ACSM2B: variants seen among roughly 807,000 people sequenced by gnomAD.
The protein encoded by ACSM2B is acyl-coenzyme A synthetase ACSM2B, mitochondrial.
A neutral mutation model predicts 78.6 loss-of-function variants in ACSM2B; 58 were observed. The ratio of observed to expected loss-of-function variants is 0.74; its 90% CI spans 0.60 to 0.92. The LOEUF (loss-of-function observed/expected upper bound fraction) is 0.92, where lower values mean the gene tolerates loss of function less well. ACSM2B is among the 40% of genes least tolerant of loss of function. The pLI is 0.00. For synonymous variants in ACSM2B, 257 were observed against 256.8 expected, an observed-to-expected ratio of 1.00 and a Z score of -0.01; for missense variants, 688 against 711.2, an observed-to-expected ratio of 0.97 and a Z score of 0.37.
chr16:20,566,736 ATATACT>A lies in ACSM2B; in HGVS notation c.-8-1889_-8-1884del, dbSNP rs2015893850. On this transcript the variant is annotated intron_variant, in intron 1 of 13. Coordinates refer to ENST00000329697, the MANE Select transcript of ACSM2B (RefSeq NM_001105069.2). ...ATATATAGTATATACTATATATAGT[ATATACT>A]ATATATACTATATATAGTATATATA... 1.9e-4 allele frequency among the ~76,000 whole-genome samples: 9 copies of A among 48,116 alleles called. 2 individuals carry two copies. In the South Asian group the frequency reaches 6.3e-3, roughly 34 times the overall value. 31.6% of individuals were successfully genotyped at this position (48,116 alleles called of 152,430 possible).
At chr16:20,565,461 A>T (rs1248850348) in intron 1 of ACSM2B, among the ~76,000 whole-genome samples, 1 of 152,190 alleles carries the variant, frequency 6.6e-6, no homozygotes, top group Non-Finnish European at 1.5e-5. Context: ...TAGCATGGCC[A>T]CTAGCAACAC....
chr16:20,566,719 TATATAC>T (rs2015886847), intron 1 of ACSM2B, among the ~76,000 whole-genome samples: 1 of 25,166 alleles, frequency 4.0e-5, no homozygotes, highest in African/African-American at 2.3e-4. Context: ...GTATATATAG[TATATAC>T]TATATATAGT....
intron 1 of ACSM2B, among the ~76,000 whole-genome samples, chr16:20,566,616 G>GTATATATAC (rs2015856197): frequency 2.4e-4 from 10 of 40,818 alleles, no homozygotes; most frequent in Non-Finnish European, 3.7e-4. Flanking sequence ...TCTACATATA[G>GTATATATAC]TATATATACT....
intron 3 of ACSM2B, among the ~76,000 whole-genome samples, chr16:20,557,395 T>G (rs2015507107): frequency 6.8e-6 from 1 of 147,650 alleles, no homozygotes; most frequent in Non-Finnish European, 1.5e-5. Flanking sequence ...TGAATAACCC[T>G]GTTATTAGTT....
At chr16:20,563,337 T>C (rs1322883295) in intron 2 of ACSM2B, among the ~76,000 whole-genome samples, 1 of 152,190 alleles carries the variant, frequency 6.6e-6, no homozygotes, top group Non-Finnish European at 1.5e-5. Flanking sequence ...TTATAATGAA[T>C]TGCACCTTTT....
intron 13 of ACSM2B, among the ~76,000 whole-genome samples, 153 bp from the exon 14 acceptor site, chr16:20,537,515 G>T (rs1397032754): frequency 1.3e-5 from 2 of 152,154 alleles, no homozygotes; most frequent in African/African-American, 4.8e-5. Context: ...AGGTGCTCTG[G>T]GATGAGGACA....
At chr16:20,570,252 G>A (rs2016056612) in intron 1 of ACSM2B, among the ~76,000 whole-genome samples, 1 of 151,840 alleles carries the variant, frequency 6.6e-6, no homozygotes, top group African/African-American at 2.4e-5. Context: ...TGATTTTGCT[G>A]AGGGTTTTAA....
chr16:20,537,378 T>A lies in ACSM2B; in HGVS notation c.1630-16A>T. The A allele has an allele frequency of 6.2e-7, 1 of 1,613,194 alleles. No individual in the cohort carries two copies. The highest frequency in any genetic ancestry group is 2.2e-5 in the East Asian group (1 of 44,834). On this transcript the variant is annotated splice_polypyrimidine_tract_variant and intron_variant, in intron 13 of 13. Coordinates refer to ENST00000329697, the MANE Select transcript of ACSM2B (RefSeq NM_001105069.2). Reference sequence around the variant, plus strand: ...CAAACTCTATCTGTTGAAAAACAAATCAGTCCAGGGTGGGTGATCTGTGAT... The same window carrying A: ...CAAACTCTATCTGTTGAAAAACAAAACAGTCCAGGGTGGGTGATCTGTGAT...
intron 4 of ACSM2B, 119 bp from the exon 5 acceptor site, chr16:20,554,039 C>A (rs1460413227): frequency 2.4e-6 from 3 of 1,244,084 alleles, no homozygotes; most frequent in Non-Finnish European, 3.4e-6. Context: ...ACCCACCTCA[C>A]AAGAGAGGCT....
At chr16:20,570,130 C>T (rs1221234979) in intron 1 of ACSM2B, among the ~76,000 whole-genome samples, 1 of 151,754 alleles carries the variant, frequency 6.6e-6, no homozygotes, top group Non-Finnish European at 1.5e-5. Context: ...GCATTCATGT[C>T]TTGTTCTAGT....
In ACSM2B at chr16:20,537,200, C is replaced by G. The variant is rs1290061655; in HGVS notation, c.*58G>C. 6.3e-7 allele frequency: 1 copy of G among 1,596,646 alleles called. No homozygotes were observed. The highest frequency in any genetic ancestry group is 8.6e-7 in the Non-Finnish European group (1 of 1,165,196). ...ATATCATCATAGTAAGGCCAAGGGC[C>G]CAAAGGGAAAAGAAAGAGAAAGAAG... On this transcript the variant is annotated 3_prime_UTR_variant, in exon 14 of 14. Transcript: ENST00000329697.
intron 1 of ACSM2B, among the ~76,000 whole-genome samples, 182 bp downstream of exon 1, chr16:20,576,025 G>A (rs1057319346): frequency 4.5e-4 from 67 of 147,786 alleles, no homozygotes; most frequent in Admixed American, 2.0e-4. Context: ...TGCCATAAAC[G>A]TGCCTTTTCC....
At chr16:20,546,757 C>T (rs1490505857) in intron 8 of ACSM2B, 16 of 361,080 alleles carry the variant, frequency 4.4e-5, no homozygotes, top group South Asian at 1.1e-4. Context: ...CATTTTAATA[C>T]GACGCTATGG....
intron 12 of ACSM2B, 138 bp downstream of exon 12, chr16:20,542,776 G>A (rs1392884730): frequency 2.1e-5 from 25 of 1,170,394 alleles, no homozygotes; most frequent in Middle Eastern, 5.8e-4. Flanking sequence ...GCTTACCCAA[G>A]GTCACATAGC....
At chr16:20,567,271 T>C (rs1181067581) in intron 1 of ACSM2B, among the ~76,000 whole-genome samples, 6 of 126,828 alleles carry the variant, frequency 4.7e-5, no homozygotes, top group Non-Finnish European at 6.3e-5. Flanking sequence ...TATAGTATAA[T>C]ATATAATATG....
chr16:20,564,108 C>T (rs146807641), intron 2 of ACSM2B, among the ~76,000 whole-genome samples: 3,524 of 151,956 alleles, frequency 0.023, 67 homozygotes, highest in African/African-American at 0.081. Flanking sequence ...TGCTGATTTG[C>T]CCCCCACTTT....
intron 2 of ACSM2B, among the ~76,000 whole-genome samples, chr16:20,561,241 T>C (rs11859264): frequency 0.38 from 57,657 of 151,144 alleles, 14,109 homozygotes; most frequent in East Asian, 0.87. Flanking sequence ...TCTTGCATTG[T>C]TATAAAGGAA....
intron 7 of ACSM2B, 62 bp from the exon 8 acceptor site, chr16:20,548,247 A>G (rs2152135235): frequency 6.2e-7 from 1 of 1,611,672 alleles, no homozygotes; most frequent in Non-Finnish European, 8.5e-7. Flanking sequence ...ACTCAGGCCT[A>G]GACTTGGTTT....
rs1180736284 is a variant in ACSM2B, at chr16:20,544,654, C to A, written c.1281+503G>T. On this transcript the variant is annotated intron_variant, in intron 10 of 13. Coordinates refer to ENST00000329697, the MANE Select transcript of ACSM2B (RefSeq NM_001105069.2). Reference sequence around the variant, plus strand: ...CTTGAGCAAGTCTTGTAATCTCTGGCTCCACCATCCTCACCTGTCAAGTGA... The same window carrying A: ...CTTGAGCAAGTCTTGTAATCTCTGGATCCACCATCCTCACCTGTCAAGTGA... 5 of 985,044 alleles carry A rather than the reference C, an allele frequency of 5.1e-6. No individual in the cohort carries two copies. In the African/African-American group the frequency reaches 8.7e-5, roughly 17 times the overall value. The allele number at this position is 985,044 out of a possible 1,614,324, so 61.0% of individuals were successfully genotyped here. A position where few individuals can be genotyped will look rare whatever the true frequency, so the allele number is the denominator to read the frequency against.
Sources: gnomAD v4.1 joint callset for allele counts (sites outside exome capture counted in the v4.1 genomes callset) on GRCh38, gnomAD v4.1.1 for gene constraint, MANE v1.5 for transcripts, NCBI Gene and HGNC (gene_info 2026-07-23, HGNC 2026-07-21) for gene names.